SHLD1: variants seen among roughly 807,000 people sequenced by gnomAD.
The protein encoded by SHLD1 is shieldin complex subunit 1.
A neutral mutation model predicts 5.5 loss-of-function variants in SHLD1; 3 were observed. The ratio of observed to expected loss-of-function variants is 0.54; its 90% CI spans 0.25 to 1.40. The LOEUF (loss-of-function observed/expected upper bound fraction) is 1.40, where lower values mean the gene tolerates loss of function less well. Ranked by LOEUF, SHLD1 falls within the 40% of genes most tolerant of loss-of-function variation. The pLI, the probability that SHLD1 is intolerant of heterozygous loss-of-function variation, is 0.15. For missense variants in SHLD1, 210 were observed against 244.4 expected (o/e 0.86, Z 0.94); for synonymous variants, 92 against 94.3 (o/e 0.98, Z 0.14).
In SHLD1 at chr20:5,769,823, G is replaced by A. The variant is rs563714881; in HGVS notation, c.-4-3039G>A. 6.0e-4 allele frequency among the ~76,000 whole-genome samples: 91 copies of A among 152,054 alleles called. 1 individual carries two copies. The highest frequency in any genetic ancestry group is 1.1e-3 in the Non-Finnish European group (74 of 67,974). On this transcript the variant is annotated intron_variant, in intron 1 of 2. Transcript: ENST00000303142. ...GTTCGAGACCAGCCTGGCCAACATG[G>A]CAAAACTCCGTCTCTACTAAAAATA...
chr20:5,793,178 T>C (rs2087166516), intron 2 of SHLD1, among the ~76,000 whole-genome samples: 1 of 152,200 alleles, frequency 6.6e-6, no homozygotes. Flanking sequence ...TTGATTACTG[T>C]AGCTATGTTT....
chr20:5,805,521 G>A (rs555652480), intron 2 of SHLD1, among the ~76,000 whole-genome samples: 2 of 152,272 alleles, frequency 1.3e-5, no homozygotes, highest in East Asian at 3.9e-4. Context: ...TCTTAAAAAA[G>A]GGAAAGGTAA....
At chr20:5,817,706 CTGGCATTA>C (rs149077900) in intron 2 of SHLD1, among the ~76,000 whole-genome samples, 10 of 80,374 alleles carry the variant, frequency 1.2e-4, no homozygotes, top group Non-Finnish European at 3.0e-4. Context: ...CTGGCTGTGC[CTGGCATTA>C]TGACTTAGTG....
At chr20:5,827,798 G>A (rs1443890119) in intron 2 of SHLD1, among the ~76,000 whole-genome samples, 4 of 152,272 alleles carry the variant, frequency 2.6e-5, no homozygotes, top group Admixed American at 6.5e-5. Flanking sequence ...GATTCGACAC[G>A]TACTTCATTA....
intron 2 of SHLD1, among the ~76,000 whole-genome samples, chr20:5,816,590 C>T (rs1012321611): frequency 1.3e-5 from 2 of 152,052 alleles, no homozygotes; most frequent in Non-Finnish European, 2.9e-5. Flanking sequence ...AGGACCATAG[C>T]GAAATAGTGG....
chr20:5,787,047 C>T (rs2087069504), intron 2 of SHLD1, among the ~76,000 whole-genome samples: 1 of 152,220 alleles, frequency 6.6e-6, no homozygotes, highest in Non-Finnish European at 1.5e-5. Context: ...ACAATTTCCC[C>T]TGTATCTTTG....
At chr20:5,794,373 A>G (rs2087182685) in intron 2 of SHLD1, among the ~76,000 whole-genome samples, 1 of 152,204 alleles carries the variant, frequency 6.6e-6, no homozygotes, top group African/African-American at 2.4e-5. Flanking sequence ...AGTTCCTTTC[A>G]GGAGTCTAAG....
chr20:5,849,787 G>A (rs1451928253), intron 2 of SHLD1, among the ~76,000 whole-genome samples: 1 of 150,178 alleles, frequency 6.7e-6, no homozygotes, highest in Non-Finnish European at 1.5e-5. Context: ...GTGAAACCCC[G>A]TCTCTACTAA....
chr20:5,837,049 C>G (rs1343869043), intron 2 of SHLD1, among the ~76,000 whole-genome samples: 3 of 152,150 alleles, frequency 2.0e-5, no homozygotes, highest in Non-Finnish European at 4.4e-5. Flanking sequence ...GGGCCCAGGT[C>G]AGCAGCTATG....
intron 2 of SHLD1, among the ~76,000 whole-genome samples, chr20:5,825,073 C>G (rs1389224648): frequency 6.6e-6 from 1 of 152,220 alleles, no homozygotes; most frequent in African/African-American, 2.4e-5. Flanking sequence ...TTGTTGGTTT[C>G]TATGACTATG....
At chr20:5,798,544 C>T (rs1256564595) in intron 2 of SHLD1, among the ~76,000 whole-genome samples, 12 of 151,754 alleles carry the variant, frequency 7.9e-5, no homozygotes, top group African/African-American at 2.2e-4. Flanking sequence ...CCTTGTGATC[C>T]GCCCGCCTCG....
intron 2 of SHLD1, among the ~76,000 whole-genome samples, chr20:5,845,102 A>G (rs1160761467): frequency 6.6e-6 from 1 of 152,076 alleles, no homozygotes; most frequent in Non-Finnish European, 1.5e-5. Flanking sequence ...CCAGCCAGAC[A>G]TATATTAATA....
At chr20:5,822,171 C>A (rs551640838) in intron 2 of SHLD1, among the ~76,000 whole-genome samples, 75 of 152,216 alleles carry the variant, frequency 4.9e-4, no homozygotes, top group African/African-American at 1.8e-3. Context: ...AAAGTAAGTG[C>A]TCAAAGCCAG....
chr20:5,781,255 G>T (rs1036095385), intron 2 of SHLD1, among the ~76,000 whole-genome samples: 1 of 152,172 alleles, frequency 6.6e-6, no homozygotes, highest in African/African-American at 2.4e-5. Context: ...TCCTGAGAGC[G>T]AGTGCAGAGG....
intron 1 of SHLD1, among the ~76,000 whole-genome samples, chr20:5,759,200 A>G (rs556736328): frequency 6.6e-6 from 1 of 151,606 alleles, no homozygotes; most frequent in Non-Finnish European, 1.5e-5. Flanking sequence ...TGATCCGCCC[A>G]CCTCGGCCTC....
intron 2 of SHLD1, among the ~76,000 whole-genome samples, chr20:5,792,296 T>C (rs1052212332): frequency 2.0e-5 from 3 of 152,228 alleles, no homozygotes; most frequent in Non-Finnish European, 4.4e-5. Flanking sequence ...TCCTCTGTGC[T>C]TTCTTCTAGG....
At chr20:5,824,597 T>C (rs749841704) in intron 2 of SHLD1, among the ~76,000 whole-genome samples, 6 of 151,728 alleles carry the variant, frequency 4.0e-5, no homozygotes, top group Admixed American at 6.6e-5. Context: ...TCTATGATCA[T>C]TGAAGAGCTA....
At chr20:5,861,536 G>A (rs1216622205) in intron 2 of SHLD1, among the ~76,000 whole-genome samples, 1 of 152,162 alleles carries the variant, frequency 6.6e-6, no homozygotes, top group Non-Finnish European at 1.5e-5. Flanking sequence ...GTGACTCAAA[G>A]AACACATGTC....
At chr20:5,781,391 C>T (rs1600115250) in intron 2 of SHLD1, among the ~76,000 whole-genome samples, 2 of 152,258 alleles carry the variant, frequency 1.3e-5, no homozygotes, top group Admixed American at 1.3e-4. Context: ...GAGTGAGACC[C>T]TCTTTCTAAA....
Sources: allele counts gnomAD v4.1 joint callset (sites outside exome capture counted in the v4.1 genomes callset), GRCh38; gene constraint gnomAD v4.1.1; transcripts MANE v1.5; gene names NCBI Gene and HGNC (gene_info 2026-07-23, HGNC 2026-07-21).